STXBP5: variants seen among roughly 807,000 people sequenced by gnomAD.
The protein encoded by STXBP5 is syntaxin-binding protein 5.
A neutral mutation model predicts 152.4 loss-of-function variants in STXBP5; 50 were observed. That is an observed-to-expected ratio of 0.33 (90% CI 0.26 to 0.42). STXBP5 has a LOEUF of 0.42. Ranked by LOEUF, STXBP5 falls within the 10% of genes least tolerant of loss-of-function variation. The probability of loss-of-function intolerance (pLI) is 1.00; values close to 1 mark genes in which losing one functional copy is unlikely to be tolerated. For missense variants in STXBP5, 1,167 were observed against 1,388.6 expected, an observed-to-expected ratio of 0.84 and a Z score of 2.54; for synonymous variants, 492 against 494.7, an observed-to-expected ratio of 0.99 and a Z score of 0.07.
intron 2 of STXBP5, among the ~76,000 whole-genome samples, chr6:147,232,479 TAAC>T (rs1778054268): frequency 1.3e-5 from 2 of 151,824 alleles, no homozygotes; most frequent in African/African-American, 4.8e-5. Context: ...TATGGAGTAA[TAAC>T]TTACGAGTTT....
intron 8 of STXBP5, among the ~76,000 whole-genome samples, chr6:147,282,190 A>G (rs917586658): frequency 2.6e-5 from 4 of 152,224 alleles, no homozygotes; most frequent in Non-Finnish European, 5.9e-5. Flanking sequence ...TATATTCCAC[A>G]AAGACTAGTT....
rs547848716 is a variant in STXBP5, at chr6:147,222,321, C to G, written c.249-12929C>G. 7.2e-5 allele frequency among the ~76,000 whole-genome samples: 11 copies of G among 152,226 alleles called. No individual in the cohort carries two copies. The South Asian group carries it at 2.3e-3, about 32-fold the overall frequency. ...TTGCCTTTTAATTTTTTCCTGATAT[C>G]GGGACATGATGTACTAAGTAAAAGG... is the stretch of plus-strand genomic sequence containing the variant. On this transcript the variant is annotated intron_variant, in intron 2 of 27. Coordinates refer to ENST00000321680, the MANE Select transcript of STXBP5 (RefSeq NM_001127715.4).
chr6:147,380,393 T>C (rs1026653890), intron 26 of STXBP5, among the ~76,000 whole-genome samples: 3 of 147,502 alleles, frequency 2.0e-5, no homozygotes, highest in African/African-American at 7.5e-5. Context: ...CCAAGAAAAT[T>C]ACGTGGCCAA....
At chr6:147,328,867 C>A in intron 18 of STXBP5, 2 of 438,338 alleles carry the variant, frequency 4.6e-6, no homozygotes, top group Non-Finnish European at 9.2e-6. Flanking sequence ...CTTATTAAAA[C>A]GTTCTATGTC....
intron 8 of STXBP5, among the ~76,000 whole-genome samples, chr6:147,288,173 A>T (rs926737028): frequency 2.6e-5 from 4 of 152,076 alleles, no homozygotes; most frequent in African/African-American, 9.7e-5. Context: ...ACAGATTGCT[A>T]TTGTTCTGGA....
In STXBP5 at chr6:147,310,070, T is replaced by C; in HGVS notation, c.918-14T>C. The C allele has an allele frequency of 6.7e-7, 1 of 1,486,882 alleles. No homozygotes were observed. The highest frequency in any genetic ancestry group is 9.0e-7 in the Non-Finnish European group (1 of 1,112,658). The allele number at this position is 1,486,882 out of a possible 1,614,324, so 92.1% of individuals were successfully genotyped here. ...CTATGCCATTAATAATCTTAATATG[T>C]ATTTTATTTCCAGGGAGCCTTTTAT... On this transcript the variant is annotated splice_polypyrimidine_tract_variant and intron_variant, in intron 9 of 27. Coordinates refer to ENST00000321680, the MANE Select transcript of STXBP5 (RefSeq NM_001127715.4).
intron 22 of STXBP5, among the ~76,000 whole-genome samples, chr6:147,354,069 T>C (rs764194410): frequency 3.5e-5 from 5 of 142,990 alleles, no homozygotes; most frequent in Non-Finnish European, 6.3e-5. Context: ...TGCCTTTAAC[T>C]AAATAGGTAT....
chr6:147,288,645 C>CA (rs1303065357), intron 8 of STXBP5, among the ~76,000 whole-genome samples: 1 of 152,022 alleles, frequency 6.6e-6, no homozygotes, highest in African/African-American at 2.4e-5. Context: ...TCTGAGTTAC[C>CA]AGTAGTATAT....
intron 2 of STXBP5, among the ~76,000 whole-genome samples, chr6:147,207,055 A>G (rs1253118535): frequency 2.0e-5 from 3 of 152,120 alleles, no homozygotes; most frequent in Admixed American, 2.0e-4. Context: ...AAAAAAGAAA[A>G]GAAATATACG....
intron 2 of STXBP5, among the ~76,000 whole-genome samples, chr6:147,216,651 A>G (rs1327199280): frequency 6.6e-6 from 1 of 152,138 alleles, no homozygotes; most frequent in African/African-American, 2.4e-5. Flanking sequence ...ACTTGATTCC[A>G]TTTCTCCAAC....
chr6:147,279,382 T>C (rs1780595691), intron 8 of STXBP5, among the ~76,000 whole-genome samples: 1 of 152,162 alleles, frequency 6.6e-6, no homozygotes, highest in Non-Finnish European at 1.5e-5. Context: ...TATTCAAGAT[T>C]GTCCTTGTAG....
intron 25 of STXBP5, among the ~76,000 whole-genome samples, chr6:147,371,880 C>G (rs1785556561): frequency 6.6e-6 from 1 of 152,072 alleles, no homozygotes; most frequent in African/African-American, 2.4e-5. Context: ...CAAATGATAG[C>G]TGTGTTGCTG....
At chr6:147,336,834 T>A (rs1783847839) in intron 19 of STXBP5, among the ~76,000 whole-genome samples, 1 of 152,110 alleles carries the variant, frequency 6.6e-6, no homozygotes, top group Non-Finnish European at 1.5e-5. Context: ...GTAAGTTAAT[T>A]TAAAATAATT....
chr6:147,286,853 C>T (rs544053466), intron 8 of STXBP5, among the ~76,000 whole-genome samples: 3 of 151,946 alleles, frequency 2.0e-5, no homozygotes, highest in East Asian at 3.9e-4. Flanking sequence ...CTTGTCCCAC[C>T]AGGTAAGCTA....
In STXBP5 at chr6:147,346,109, A is replaced by G. The variant is rs893584809; in HGVS notation, c.2254+6725A>G. Among the ~76,000 whole-genome samples, 6 of 152,330 alleles carry G rather than the reference A, an allele frequency of 3.9e-5. 1 individual carries two copies. The highest frequency in any genetic ancestry group is 3.3e-4 in the Admixed American group (5 of 15,298). On this transcript the variant is annotated intron_variant, in intron 21 of 27. Transcript: ENST00000321680. ...TCTTTCAATAACTCATCCAGATTGC[A>G]TGCTTTCAGTTTGAAGGTCACAATA...
intron 2 of STXBP5, 95 bp downstream of exon 2, chr6:147,206,163 TG>T: frequency 9.3e-7 from 1 of 1,070,092 alleles, no homozygotes; most frequent in Non-Finnish European, 1.4e-6. Flanking sequence ...TTTATTTTCC[TG>T]TTGGTGTGAT....
intron 8 of STXBP5, among the ~76,000 whole-genome samples, chr6:147,285,702 G>A (rs1780926880): frequency 6.6e-6 from 1 of 152,118 alleles, no homozygotes; most frequent in Admixed American, 6.6e-5. Context: ...TATTGAGCAA[G>A]AAGAAAGTTA....
At chr6:147,337,156 A>C (rs1469519472) in intron 19 of STXBP5, among the ~76,000 whole-genome samples, 2 of 138,786 alleles carry the variant, frequency 1.4e-5, no homozygotes, top group Non-Finnish European at 3.1e-5. Context: ...TTTTTTTAGT[A>C]CTGCATGCAA....
intron 11 of STXBP5, 45 bp downstream of exon 11, chr6:147,311,572 A>G: frequency 7.0e-7 from 1 of 1,433,108 alleles, no homozygotes; most frequent in Non-Finnish European, 9.7e-7. Flanking sequence ...TATGTGGTTG[A>G]AAAAAGATGC....
Sources: allele counts gnomAD v4.1 joint callset (sites outside exome capture counted in the v4.1 genomes callset), GRCh38; gene constraint gnomAD v4.1.1; transcripts MANE v1.5; gene names NCBI Gene and HGNC (gene_info 2026-07-23, HGNC 2026-07-21).